TMEM255B: variants seen among roughly 807,000 people sequenced by gnomAD.
TMEM255B encodes family with sequence similarity 70, member B.
Under a neutral mutation model 34.5 loss-of-function variants are expected in TMEM255B, and 35 were observed. That is an observed-to-expected ratio of 1.01 (90% CI 0.77 to 1.34). The LOEUF (loss-of-function observed/expected upper bound fraction) is 1.34. Among genes scored for constraint, TMEM255B ranks in the 40% most tolerant of loss-of-function variants. TMEM255B has a pLI of 0.00. For synonymous variants in TMEM255B, 206 were observed against 201.2 expected, an observed-to-expected ratio of 1.02 and a Z score of -0.20; for missense variants, 432 against 433.2, an observed-to-expected ratio of 1.00 and a Z score of 0.02.
Position 113,771,797 on chromosome 13 carries a change from A to G in TMEM255B, c.252+2637A>G, listed in dbSNP as rs143143255. Among the ~76,000 whole-genome samples the G allele has an allele frequency of 1.7e-3, 253 of 152,340 alleles. 1 individual carries two copies. Among genetic ancestry groups the G allele is most frequent in the African/African-American group, 5.6e-3 (232 of 41,576 alleles). ...TTTACAGACTTTGGCTGTTGTGAATAATGCTGCTGTGAACATTTGTACATA... is the reference window on the plus strand; with the variant it reads ...TTTACAGACTTTGGCTGTTGTGAATGATGCTGCTGTGAACATTTGTACATA... On this transcript the variant is annotated intron_variant, in intron 3 of 8. Coordinates refer to ENST00000375353, the MANE Select transcript of TMEM255B (RefSeq NM_182614.4).
intron 7 of TMEM255B, among the ~76,000 whole-genome samples, chr13:113,804,455 C>A (rs373066554): frequency 0.012 from 1,843 of 152,090 alleles, 37 homozygotes; most frequent in African/African-American, 0.042. Flanking sequence ...TCTCCCCCCC[C>A]AAAAAATCAA....
At chr13:113,760,186 C>T (rs922491252) in intron 1 of TMEM255B, among the ~76,000 whole-genome samples, 1 of 152,180 alleles carries the variant, frequency 6.6e-6, no homozygotes, top group African/African-American at 2.4e-5. Context: ...CCTCACAACC[C>T]TTTTACTGCG....
Position 113,774,862 on chromosome 13 carries a change from TACAC to T in TMEM255B, c.252+5703_252+5706del, listed in dbSNP as rs1373188087. On this transcript the variant is annotated intron_variant, in intron 3 of 8. Transcript: ENST00000375353. ...CACACAACACACAATGCACACCACA[TACAC>T]CACACAACGCACACCACACACAAGA... Among the ~76,000 whole-genome samples the T allele has an allele frequency of 1.1e-4, 13 of 121,490 alleles. No homozygotes were observed. In the South Asian group the frequency reaches 1.4e-3, roughly 13 times the overall value. 79.7% of individuals were successfully genotyped at this position (121,490 alleles called of 152,430 possible). A position where few individuals can be genotyped will look rare whatever the true frequency, so the allele number is the denominator to read the frequency against.
intron 3 of TMEM255B, among the ~76,000 whole-genome samples, chr13:113,771,698 GATA>G (rs995771009): frequency 2.6e-4 from 40 of 151,916 alleles, no homozygotes; most frequent in African/African-American, 6.5e-4. Context: ...TAATAACAAT[GATA>G]ATAATAATAA....
intron 8 of TMEM255B, 129 bp downstream of exon 8, chr13:113,805,157 G>C (rs1363522251): frequency 1.7e-6 from 2 of 1,180,108 alleles, no homozygotes; most frequent in African/African-American, 3.2e-5. Flanking sequence ...GATGGGAGGT[G>C]GGGGGCAGTG....
chr13:113,782,373 G>T (rs2050676992), intron 3 of TMEM255B, among the ~76,000 whole-genome samples: 1 of 152,166 alleles, frequency 6.6e-6, no homozygotes, highest in Non-Finnish European at 1.5e-5. Flanking sequence ...GATTCCAAAT[G>T]ATGACAAGTT....
chr13:113,796,098 C>CCACACAACACACAGAGCACACAG (rs1196733711), intron 4 of TMEM255B, among the ~76,000 whole-genome samples: 1 of 143,840 alleles, frequency 7.0e-6, no homozygotes, highest in Non-Finnish European at 1.5e-5. Flanking sequence ...ACAGCACACA[C>CCACACAACACACAGAGCACACAG]CACACAACAC....
chr13:113,806,722 G>A lies in TMEM255B; in HGVS notation c.813+1694G>A, dbSNP rs1439044311. Among the ~76,000 whole-genome samples, 1 of 152,044 alleles carries A rather than the reference G, an allele frequency of 6.6e-6. No homozygotes were observed. Among genetic ancestry groups the A allele is most frequent in the African/African-American group, 2.4e-5 (1 of 41,410 alleles). On this transcript the variant is annotated intron_variant, in intron 8 of 8. Coordinates refer to ENST00000375353, the MANE Select transcript of TMEM255B (RefSeq NM_182614.4). The surrounding 1 kb of genome is among the most constrained non-coding windows in gnomAD (Gnocchi z 4.2). ...CCAGGGACGTCCCCATCATGGCAGG[G>A]ACCGTGCCCCCAGGGCCACAGCCCT...
In TMEM255B at chr13:113,811,731, T is replaced by C. The variant is rs77554503; in HGVS notation, c.814-5T>C. Reference sequence around the variant, plus strand: ...CTAACCCAGGGCCCTCTCTGTTTATTGCAGCCCTGCAGCCGCTTCCCAGTT... The same window carrying C: ...CTAACCCAGGGCCCTCTCTGTTTATCGCAGCCCTGCAGCCGCTTCCCAGTT... On this transcript the variant is annotated splice_region_variant and splice_polypyrimidine_tract_variant and intron_variant, in intron 8 of 8. Transcript: ENST00000375353. The C allele has an allele frequency of 0.072, 115,828 of 1,613,244 alleles. 5,229 individuals carry two copies. Among genetic ancestry groups the C allele is most frequent in the Admixed American group, 0.18 (10,554 of 59,942 alleles).
At chr13:113,772,938 A>T (rs1330939484) in intron 3 of TMEM255B, among the ~76,000 whole-genome samples, 2 of 152,180 alleles carry the variant, frequency 1.3e-5, no homozygotes, top group Non-Finnish European at 2.9e-5. Context: ...TCTACAAGGA[A>T]GCCAGCTGGG....
intron 3 of TMEM255B, among the ~76,000 whole-genome samples, chr13:113,786,134 A>G (rs941024062): frequency 6.6e-6 from 1 of 152,130 alleles, no homozygotes; most frequent in Non-Finnish European, 1.5e-5. Flanking sequence ...TAGCCAGAGA[A>G]CCATGGGCCA....
Position 113,811,762 on chromosome 13 carries a change from CT to C in TMEM255B, c.841del (p.Ser281ProfsTer52). On this transcript the variant is annotated frameshift_variant, in exon 9 of 9. Transcript: ENST00000375353. LOFTEE classifies it low-confidence loss of function (END_TRUNC). ...QPCSRFPVAP[S>X]SALASSEDLQ... is the part of the protein sequence containing the mutation. ...CCTGCAGCCGCTTCCCAGTTGCGCC[CT>C]CCTCTGCCCTGGCTTCGTCTGAGGA... 1.2e-6 allele frequency: 2 copies of C among 1,613,856 alleles called. No individual in the cohort carries two copies. The highest frequency in any genetic ancestry group is 2.2e-5 in the South Asian group (2 of 91,082).
chr13:113,786,821 A>T (rs1303769132), intron 3 of TMEM255B, among the ~76,000 whole-genome samples: 1 of 152,150 alleles, frequency 6.6e-6, no homozygotes, highest in Non-Finnish European at 1.5e-5. Context: ...ATTACGATGG[A>T]TTTCTCATTT....
At position 113,812,249 on chromosome 13, in the gene TMEM255B, G is replaced by A. The variant is rs1016158974; in HGVS notation, c.*346G>A. On this transcript the variant is annotated 3_prime_UTR_variant, in exon 9 of 9. Coordinates refer to ENST00000375353, the MANE Select transcript of TMEM255B (RefSeq NM_182614.4). ...GATTTTGCAAAGACAGTGCAGCCCC[G>A]GCCTCCCTGCCTGTGTGTTCTTGTT... The A allele has an allele frequency of 4.6e-5, 14 of 305,154 alleles. No homozygotes were observed. The highest frequency in any genetic ancestry group is 9.6e-5 in the Admixed American group (2 of 20,938). The allele number at this position is 305,154 out of a possible 1,614,324, so 18.9% of individuals were successfully genotyped here. A position where few individuals can be genotyped will look rare whatever the true frequency, so the allele number is the denominator to read the frequency against.
chr13:113,787,060 C>T (rs1023577518), intron 3 of TMEM255B, among the ~76,000 whole-genome samples: 5 of 152,188 alleles, frequency 3.3e-5, no homozygotes, highest in Non-Finnish European at 5.9e-5. Flanking sequence ...CATACCTGGA[C>T]TCTGACACTT....
rs950477511 is a variant in TMEM255B at position 113,804,122 on chromosome 13, G to A, written c.670-763G>A. 3.9e-5 allele frequency among the ~76,000 whole-genome samples: 6 copies of A among 152,326 alleles called. No homozygotes were observed. The East Asian group carries it at 9.7e-4, about 25-fold the overall frequency. On this transcript the variant is annotated intron_variant, in intron 7 of 8. Transcript: ENST00000375353. Reference sequence around the variant, plus strand: ...CGGGTGCCCTCGGCCCAGTCCCCGCGTTTCTGGCCCGGGGAAGCCCTGAAG... The same window carrying A: ...CGGGTGCCCTCGGCCCAGTCCCCGCATTTCTGGCCCGGGGAAGCCCTGAAG...
In TMEM255B at chr13:113,803,850, C is replaced by T. The variant is rs552951846; in HGVS notation, c.670-1035C>T. On this transcript the variant is annotated intron_variant, in intron 7 of 8. Transcript: ENST00000375353. ...TCCCTCCCAGCCCCAGGGGTGCGGG[C>T]AGCACCGTTGTCTGAGGACACCTCA... 4.3e-3 allele frequency among the ~76,000 whole-genome samples: 96 copies of T among 22,260 alleles called. 1 individual carries two copies. In the South Asian group the frequency reaches 0.15, roughly 34 times the overall value. The allele number at this position is 22,260 out of a possible 152,430, so 14.6% of individuals were successfully genotyped here. A position where few individuals can be genotyped will look rare whatever the true frequency, so the allele number is the denominator to read the frequency against.
intron 4 of TMEM255B, 49 bp from the exon 5 acceptor site, chr13:113,799,290 C>T (rs527648771): frequency 5.7e-6 from 9 of 1,591,724 alleles, no homozygotes; most frequent in South Asian, 2.2e-5. Flanking sequence ...TGGCCTCTCC[C>T]GCCTGGAGGC....
chr13:113,776,516 G>A (rs2050581179), intron 3 of TMEM255B, among the ~76,000 whole-genome samples: 1 of 152,230 alleles, frequency 6.6e-6, no homozygotes, highest in Non-Finnish European at 1.5e-5. Context: ...TGTCCGAGCT[G>A]TGAGCTGTGC....
Sources: gnomAD v4.1 joint callset for allele counts (sites outside exome capture counted in the v4.1 genomes callset) on GRCh38, gnomAD v4.1.1 for gene constraint, Gnocchi (gnomAD v3.1) non-coding constraint, MANE v1.5 for transcripts, NCBI Gene and HGNC (gene_info 2026-07-23, HGNC 2026-07-21) for gene names.